The following HDAC4 variants were observed in gnomAD, a reference collection of about 807,000 sequenced individuals.
HDAC4 encodes histone deacetylase 4.
HDAC4 carries 16 observed loss-of-function variants against 135.1 expected under a neutral mutation model. That is an observed-to-expected ratio of 0.12 (90% CI 0.08 to 0.18). HDAC4 has a LOEUF of 0.18. Among genes scored for constraint, HDAC4 ranks in the 10% least tolerant of loss-of-function variants. HDAC4 has a pLI of 1.00. For synonymous variants in HDAC4, 685 were observed against 653.4 expected, an observed-to-expected ratio of 1.05 and a Z score of -0.74; for missense variants, 1,143 against 1,511.8, an observed-to-expected ratio of 0.76 and a Z score of 4.05.
At chr2:239,131,457 A>G (rs2040578572) in intron 11 of HDAC4, among the ~76,000 whole-genome samples, 1 of 152,256 alleles carries the variant, frequency 6.6e-6, no homozygotes, top group African/African-American at 2.4e-5. Flanking sequence ...AGGGCAGAAC[A>G]TGGAAACGAA....
intron 24 of HDAC4, among the ~76,000 whole-genome samples, chr2:239,055,965 A>G (rs947992932): frequency 1.3e-5 from 2 of 152,212 alleles, no homozygotes; most frequent in Non-Finnish European, 2.9e-5. Flanking sequence ...ACGACGTGTC[A>G]AACAGAGGCC....
intron 17 of HDAC4, among the ~76,000 whole-genome samples, chr2:239,090,707 C>T (rs1253026334): frequency 6.6e-6 from 1 of 151,458 alleles, no homozygotes; most frequent in Non-Finnish European, 1.5e-5. Flanking sequence ...AGGAAATGCA[C>T]TCTGGAGCAT....
chr2:239,234,523 T>C (rs1009553611), intron 3 of HDAC4, among the ~76,000 whole-genome samples: 3 of 152,170 alleles, frequency 2.0e-5, no homozygotes, highest in African/African-American at 7.2e-5. Context: ...CATTCCTCAG[T>C]ACTAGTCAAC....
At chr2:239,268,868 C>T (rs1464018880) in intron 2 of HDAC4, among the ~76,000 whole-genome samples, 1 of 152,166 alleles carries the variant, frequency 6.6e-6, no homozygotes, top group East Asian at 1.9e-4. Context: ...TGGTGCCAGG[C>T]TCCCTACCCC....
At chr2:239,387,686 C>T (rs1014663048) in intron 1 of HDAC4, among the ~76,000 whole-genome samples, 2 of 152,182 alleles carry the variant, frequency 1.3e-5, no homozygotes, top group African/African-American at 2.4e-5. Context: ...AGAAGAAAAC[C>T]GAGGCTTAGA....
chr2:239,291,901 T>C (rs2051526528), intron 2 of HDAC4, among the ~76,000 whole-genome samples: 1 of 152,184 alleles, frequency 6.6e-6, no homozygotes, highest in African/African-American at 2.4e-5. Context: ...AGAACCTTTG[T>C]TTGCAAGAGT....
At position 239,068,484 on chromosome 2, in the gene HDAC4, C is replaced by T. The variant is rs1471234774; in HGVS notation, c.2869+5G>A. On this transcript the variant is annotated splice_donor_5th_base_variant and intron_variant, in intron 23 of 26. Coordinates refer to ENST00000543185, the MANE Select transcript of HDAC4 (RefSeq NM_001378414.1). This position sits in a 1 kb window ranked among gnomAD's most constrained non-coding sequence, Gnocchi z 4.4. ...GGCTCCTCAGTCATATGCAGAACCA[C>T]TTACATCTGGCGGAGAGGTTGTAGC... 6.2e-7 allele frequency: 1 copy of T among 1,605,650 alleles called. No individual in the cohort carries two copies. Among genetic ancestry groups the T allele is most frequent in the Admixed American group, 1.7e-5 (1 of 60,022 alleles).
intron 2 of HDAC4, among the ~76,000 whole-genome samples, chr2:239,269,198 T>C (rs1190510759): frequency 1.3e-5 from 2 of 149,772 alleles, no homozygotes; most frequent in African/African-American, 2.5e-5. Context: ...CCCACACACA[T>C]TCACACACCC....
At chr2:239,383,957 G>T (rs1436820139) in intron 1 of HDAC4, among the ~76,000 whole-genome samples, 2 of 152,244 alleles carry the variant, frequency 1.3e-5, no homozygotes, top group Non-Finnish European at 2.9e-5. Context: ...TGGAAGAGCT[G>T]CCATCGCTGG....
At chr2:239,297,641 G>A (rs1002175862) in intron 2 of HDAC4, among the ~76,000 whole-genome samples, 2 of 152,140 alleles carry the variant, frequency 1.3e-5, no homozygotes, top group African/African-American at 4.8e-5. Flanking sequence ...GGGATGCCAG[G>A]CCCCAATGGT....
chr2:239,289,743 C>A (rs772263316), intron 2 of HDAC4, among the ~76,000 whole-genome samples: 6 of 152,240 alleles, frequency 3.9e-5, no homozygotes, highest in Non-Finnish European at 8.8e-5. Flanking sequence ...AAAGTCCCCG[C>A]CTGATGGGGC....
chr2:239,386,646 T>C (rs1028496299), intron 1 of HDAC4, among the ~76,000 whole-genome samples: 1 of 151,970 alleles, frequency 6.6e-6, no homozygotes, highest in African/African-American at 2.4e-5. Context: ...TGTAAGGAAA[T>C]CCCATGAGCA....
intron 3 of HDAC4, among the ~76,000 whole-genome samples, chr2:239,193,715 G>T (rs2045168602): frequency 6.6e-6 from 1 of 152,242 alleles, no homozygotes. Flanking sequence ...TGCTGGGGAG[G>T]ACCCAGCTTC....
intron 17 of HDAC4, chr2:239,094,614 AC>A: frequency 5.2e-6 from 6 of 1,143,542 alleles, no homozygotes; most frequent in Non-Finnish European, 6.5e-6. Context: ...TGGGAGCCCC[AC>A]CTGTAGCTTC....
At chr2:239,272,017 G>A (rs1411220677) in intron 2 of HDAC4, among the ~76,000 whole-genome samples, 2 of 152,016 alleles carry the variant, frequency 1.3e-5, no homozygotes. Context: ...AATCAACAAA[G>A]AAACCCAGCT....
At chr2:239,211,528 C>G (rs112258351) in intron 3 of HDAC4, among the ~76,000 whole-genome samples, 61 of 152,340 alleles carry the variant, frequency 4.0e-4, no homozygotes, top group African/African-American at 1.3e-3. Context: ...AAGGAATCTG[C>G]ATTTGAAATT....
chr2:239,110,942 C>T (rs1482943273), intron 14 of HDAC4, among the ~76,000 whole-genome samples: 2 of 152,214 alleles, frequency 1.3e-5, no homozygotes, highest in East Asian at 3.9e-4. Flanking sequence ...GGACGCCTTA[C>T]TTGCCTCCTT....
Position 239,094,833 on chromosome 2 carries a change from C to A in HDAC4, c.2280+177G>T, listed in dbSNP as rs987666905. ...CTTCCCCAGAGAAAGGTGCCCGAGT[C>A]GGCGATCAAAACGCTCTCGGCTCAC... On this transcript the variant is annotated intron_variant, in intron 17 of 26. Transcript: ENST00000543185. 2.7e-6 allele frequency: 4 copies of A among 1,503,046 alleles called. No homozygotes were observed. In the East Asian group the frequency reaches 1.0e-4, roughly 38 times the overall value. The allele number at this position is 1,503,046 out of a possible 1,614,324, so 93.1% of individuals were successfully genotyped here. A position where few individuals can be genotyped will look rare whatever the true frequency, so the allele number is the denominator to read the frequency against.
intron 3 of HDAC4, among the ~76,000 whole-genome samples, chr2:239,204,361 C>T (rs2045926054): frequency 6.6e-6 from 1 of 152,238 alleles, no homozygotes; most frequent in Non-Finnish European, 1.5e-5. Context: ...TTAGAAAAGG[C>T]ACCCTGAATA....
Sources: gnomAD v4.1 joint callset for allele counts (sites outside exome capture counted in the v4.1 genomes callset) on GRCh38, gnomAD v4.1.1 for gene constraint, Gnocchi (gnomAD v3.1) non-coding constraint, MANE v1.5 for transcripts, NCBI Gene and HGNC (gene_info 2026-07-23, HGNC 2026-07-21) for gene names.